ACOXL: variants seen among roughly 807,000 people sequenced by gnomAD.
ACOXL encodes acyl-CoA oxidase like, also known as acyl-coenzyme A oxidase-like protein.
In ACOXL, 70 loss-of-function variants were observed where a neutral mutation model predicts 71.9. That is an observed-to-expected ratio of 0.97 (90% CI 0.80 to 1.19). The LOEUF is 1.19. ACOXL is among the 50% of genes most tolerant of loss of function. The probability of loss-of-function intolerance (pLI) is 0.00; values close to 1 mark genes in which losing one functional copy is unlikely to be tolerated. For synonymous variants in ACOXL, 253 were observed against 281.6 expected (o/e 0.90, Z 1.02); for missense variants, 703 against 736.3 (o/e 0.95, Z 0.52).
At chr2:110,749,238 C>T (rs1024377753) in intron 1 of ACOXL, among the ~76,000 whole-genome samples, 2 of 152,138 alleles carry the variant, frequency 1.3e-5, no homozygotes, top group African/African-American at 4.8e-5. Flanking sequence ...TTTTTGTTTT[C>T]ATTTTTAATG....
At chr2:110,974,359 T>G (rs1229819884) in intron 12 of ACOXL, among the ~76,000 whole-genome samples, 1 of 152,238 alleles carries the variant, frequency 6.6e-6, no homozygotes, top group African/African-American at 2.4e-5. Flanking sequence ...GTGGCATTTC[T>G]GCAGGCTTTA....
rs145324509 is a variant in ACOXL, at chr2:110,895,122, G to A, written c.789-13667G>A. 2.0e-3 allele frequency among the ~76,000 whole-genome samples: 304 copies of A among 152,184 alleles called. 2 individuals are homozygous for A. Among genetic ancestry groups the A allele is most frequent in the African/African-American group, 7.2e-3 (298 of 41,518 alleles). On this transcript the variant is annotated intron_variant, in intron 10 of 17. Coordinates refer to ENST00000439055, the MANE Select transcript of ACOXL (RefSeq NM_001142807.4). ...AGAGTAACCTGAAAAATATTTTAAA[G>A]CAGCCATCATAAAAATGTTTCAAAA...
chr2:110,885,756 G>A (rs1314680583), intron 10 of ACOXL, among the ~76,000 whole-genome samples: 1 of 152,088 alleles, frequency 6.6e-6, no homozygotes, highest in Admixed American at 6.5e-5. Context: ...GGAGGTTTTT[G>A]ATCAATCTCA....
intron 16 of ACOXL, among the ~76,000 whole-genome samples, chr2:111,091,602 G>T (rs903115456): frequency 8.5e-5 from 13 of 152,118 alleles, no homozygotes; most frequent in African/African-American, 1.2e-4. Flanking sequence ...AGTATGAATT[G>T]CAGTTCATAG....
intron 12 of ACOXL, among the ~76,000 whole-genome samples, chr2:110,948,564 A>T (rs1246819837): frequency 6.6e-6 from 1 of 151,920 alleles, no homozygotes; most frequent in Admixed American, 6.6e-5. Context: ...TCCACTCCTG[A>T]AGGAGCCTGT....
chr2:110,864,044 C>A (rs1163981118), intron 10 of ACOXL, among the ~76,000 whole-genome samples: 1 of 151,922 alleles, frequency 6.6e-6, no homozygotes, highest in Admixed American at 6.5e-5. Flanking sequence ...TTCACTCAGG[C>A]ACAGAAGTGA....
At chr2:110,811,785 A>ACACACACACACACACACG (rs1225876415) in intron 9 of ACOXL, among the ~76,000 whole-genome samples, 19 of 149,082 alleles carry the variant, frequency 1.3e-4, no homozygotes, top group Non-Finnish European at 1.9e-4. Context: ...ACACACACAC[A>ACACACACACACACACACG]CGCGGGGAGG....
At position 111,117,662 on chromosome 2, in the gene ACOXL, T is replaced by C. The variant is rs1319362234; in HGVS notation, c.1589T>C (p.Ile530Thr). ...GTGAAGGATGATGCCCGGAGGGTGATCTCGACCTTTAACATTCCACACACC... is the reference window on the plus strand; with the variant it reads ...GTGAAGGATGATGCCCGGAGGGTGACCTCGACCTTTAACATTCCACACACC... The part of the protein sequence containing the change: ...DSVKDDARRV[I>T]STFNIPHTYL... Residue 530 changes from isoleucine (I) to threonine (T), a missense_variant, in exon 18 of 18, where the codon ATC becomes ACC. By Grantham distance (89) the Ile-to-Thr change is moderately conservative. Transcript: ENST00000439055. 1.9e-6 allele frequency: 3 copies of C among 1,551,762 alleles called. No homozygotes were observed. The highest frequency in any genetic ancestry group is 2.6e-6 in the Non-Finnish European group (3 of 1,147,002).
intron 10 of ACOXL, among the ~76,000 whole-genome samples, chr2:110,885,376 C>T (rs191763553): frequency 2.9e-4 from 44 of 152,266 alleles, no homozygotes; most frequent in Admixed American, 2.6e-3. Flanking sequence ...TTAATCCCTG[C>T]GCTTTCCCAT....
At chr2:110,806,141 T>G (rs1427917430) in intron 9 of ACOXL, among the ~76,000 whole-genome samples, 1 of 152,256 alleles carries the variant, frequency 6.6e-6, no homozygotes, top group Non-Finnish European at 1.5e-5. Context: ...CTGACATCAG[T>G]CCGGAGTCGT....
chr2:110,851,404 G>A (rs955252089), intron 10 of ACOXL, among the ~76,000 whole-genome samples: 3 of 152,110 alleles, frequency 2.0e-5, no homozygotes, highest in Admixed American at 1.3e-4. Context: ...TCTTTATGTG[G>A]AATTACTTGT....
intron 10 of ACOXL, among the ~76,000 whole-genome samples, chr2:110,862,795 G>A (rs1694112778): frequency 1.3e-5 from 2 of 152,158 alleles, no homozygotes; most frequent in South Asian, 2.1e-4. Context: ...CCAGAAAAGA[G>A]TTGCCCTCTG....
In ACOXL at chr2:111,062,189, A is replaced by AT. The variant is rs1168677524; in HGVS notation, c.1440+12901_1440+12902insT. 3.3e-5 allele frequency among the ~76,000 whole-genome samples: 5 copies of AT among 152,250 alleles called. No homozygotes were observed. In the East Asian group the frequency reaches 9.6e-4, roughly 29 times the overall value. On this transcript the variant is annotated intron_variant, in intron 16 of 17. Transcript: ENST00000439055. ...AAGAGCGGCTATATTAATATCAGATAAAGTGACATCAGAACAAAGAAAATA... is the reference window on the plus strand; with the variant it reads ...AAGAGCGGCTATATTAATATCAGATATAAGTGACATCAGAACAAAGAAAATA...
chr2:110,818,909 C>A (rs1573670096), intron 9 of ACOXL, among the ~76,000 whole-genome samples: 1 of 67,398 alleles, frequency 1.5e-5, no homozygotes, highest in East Asian at 4.7e-4. Flanking sequence ...TAGAATTGGC[C>A]TGTTGGGCAG....
At chr2:110,955,252 A>G (rs1471549181) in intron 12 of ACOXL, among the ~76,000 whole-genome samples, 1 of 151,862 alleles carries the variant, frequency 6.6e-6, no homozygotes, top group Non-Finnish European at 1.5e-5. Context: ...CTGCCTCTGC[A>G]GTTTTGATTC....
chr2:110,880,316 A>G (rs1485787543), intron 10 of ACOXL, among the ~76,000 whole-genome samples: 1 of 152,162 alleles, frequency 6.6e-6, no homozygotes, highest in Non-Finnish European at 1.5e-5. Context: ...ACAGGGAGCA[A>G]GTATCCTTCT....
chr2:111,117,510 C>A, intron 17 of ACOXL, 106 bp from the exon 18 acceptor site: 1 of 1,201,680 alleles, frequency 8.3e-7, no homozygotes, highest in Non-Finnish European at 1.2e-6. Context: ...AAACTAGTTT[C>A]CGGGGCCGCT....
chr2:110,969,940 T>C (rs551580465), intron 12 of ACOXL, among the ~76,000 whole-genome samples: 111 of 152,220 alleles, frequency 7.3e-4, no homozygotes, highest in African/African-American at 2.4e-3. Context: ...ACAGACAAAC[T>C]GAATAGTTCT....
chr2:110,763,612 C>G (rs563767689), intron 1 of ACOXL, among the ~76,000 whole-genome samples: 1 of 152,090 alleles, frequency 6.6e-6, no homozygotes, highest in Non-Finnish European at 1.5e-5. Flanking sequence ...AGAAGAAAGT[C>G]CATATGACTT....
Sources: allele counts gnomAD v4.1 joint callset (sites outside exome capture counted in the v4.1 genomes callset), GRCh38; gene constraint gnomAD v4.1.1; transcripts MANE v1.5; gene names NCBI Gene and HGNC (gene_info 2026-07-23, HGNC 2026-07-21).